The following RIMS2 variants were observed in gnomAD, a reference collection of about 807,000 sequenced individuals.
The protein encoded by RIMS2 is regulating synaptic membrane exocytosis 2, also known as regulating synaptic membrane exocytosis protein 2.
A neutral mutation model predicts 174.4 loss-of-function variants in RIMS2; 59 were observed. That is an observed-to-expected ratio of 0.34 (90% CI 0.27 to 0.42). The LOEUF (loss-of-function observed/expected upper bound fraction) is 0.42, where lower values mean the gene tolerates loss of function less well. Ranked by LOEUF, RIMS2 falls within the 10% of genes least tolerant of loss-of-function variation. The pLI is 1.00. For missense variants in RIMS2, 1,620 were observed against 1,666.3 expected (o/e 0.97, Z 0.48); for synonymous variants, 606 against 572.5 (o/e 1.06, Z -0.84).
At chr8:104,216,761 C>T (rs1417480816) in intron 19 of RIMS2, among the ~76,000 whole-genome samples, 1 of 152,156 alleles carries the variant, frequency 6.6e-6, no homozygotes, top group African/African-American at 2.4e-5. Context: ...TCCACTACAG[C>T]GTGAGCTTCA....
intron 4 of RIMS2, among the ~76,000 whole-genome samples, chr8:103,897,823 T>A (rs2099297337): frequency 6.6e-6 from 1 of 151,654 alleles, no homozygotes; most frequent in Non-Finnish European, 1.5e-5. Flanking sequence ...CCACCATAGA[T>A]GCTTTTAATA....
At chr8:103,732,937 G>A (rs2097626435) in intron 2 of RIMS2, among the ~76,000 whole-genome samples, 1 of 152,096 alleles carries the variant, frequency 6.6e-6, no homozygotes, top group Non-Finnish European at 1.5e-5. Context: ...CACTGTCACT[G>A]AGCTGGTACA....
At chr8:103,504,062 C>A (rs532737422) in intron 1 of RIMS2, among the ~76,000 whole-genome samples, 3 of 152,130 alleles carry the variant, frequency 2.0e-5, no homozygotes, top group Non-Finnish European at 2.9e-5. Flanking sequence ...CTCAGTAGAA[C>A]CCTAATCAGT....
At chr8:103,894,122 G>A (rs768415236) in intron 4 of RIMS2, among the ~76,000 whole-genome samples, 1 of 151,962 alleles carries the variant, frequency 6.6e-6, no homozygotes, top group African/African-American at 2.4e-5. Flanking sequence ...TTTTCTTAAT[G>A]AACTTAACCC....
At chr8:103,528,843 T>C (rs975612346) in intron 1 of RIMS2, among the ~76,000 whole-genome samples, 8 of 152,214 alleles carry the variant, frequency 5.3e-5, no homozygotes, top group Non-Finnish European at 1.0e-4. Context: ...CCAGCTTTGT[T>C]CTTTTGGCTT....
At chr8:103,881,041 A>G (rs1038045241) in intron 3 of RIMS2, among the ~76,000 whole-genome samples, 2 of 151,492 alleles carry the variant, frequency 1.3e-5, no homozygotes, top group African/African-American at 4.8e-5. Context: ...TGATTTTTAA[A>G]GAGTGATTTA....
At chr8:104,090,909 A>G (rs1212214364) in intron 19 of RIMS2, among the ~76,000 whole-genome samples, 2 of 151,874 alleles carry the variant, frequency 1.3e-5, no homozygotes, top group Non-Finnish European at 3.0e-5. Context: ...TATTTAGCTA[A>G]AGATATTCCT....
intron 2 of RIMS2, among the ~76,000 whole-genome samples, chr8:103,750,975 C>T (rs1413818591): frequency 6.6e-6 from 1 of 152,088 alleles, no homozygotes; most frequent in African/African-American, 2.4e-5. Flanking sequence ...TCGTGTTGTT[C>T]TCCTGATAGA....
chr8:104,020,887 A>G lies in RIMS2; in HGVS notation c.3334+6272A>G, dbSNP rs150115054. On this transcript the variant is annotated intron_variant, in intron 19 of 23. Transcript: ENST00000504942. ...TTTAATACTTAGATTTGATTTTCCT[A>G]TAATTATTGCTGACATAATTCTGTA... 3.1e-3 allele frequency among the ~76,000 whole-genome samples: 466 copies of G among 152,156 alleles called. 2 individuals are homozygous for G. The highest frequency in any genetic ancestry group is 0.01 in the African/African-American group (421 of 41,574).
intron 17 of RIMS2, among the ~76,000 whole-genome samples, chr8:104,007,102 AGT>A (rs1312742711): frequency 1.3e-5 from 2 of 152,186 alleles, no homozygotes; most frequent in African/African-American, 4.8e-5. Flanking sequence ...TCATTTCTAA[AGT>A]GAGAGAGTTT....
chr8:103,935,154 C>T (rs201740495), intron 12 of RIMS2, among the ~76,000 whole-genome samples: 11 of 152,220 alleles, frequency 7.2e-5, no homozygotes, highest in South Asian at 2.1e-4. Context: ...AAGCTATAAA[C>T]GAAAGGAGGG....
intron 19 of RIMS2, among the ~76,000 whole-genome samples, chr8:104,063,391 C>T (rs550604070): frequency 6.6e-6 from 1 of 152,222 alleles, no homozygotes; most frequent in African/African-American, 2.4e-5. Context: ...TCAAAAACAA[C>T]TCCACATATG....
At chr8:104,046,992 T>C (rs1220211811) in intron 19 of RIMS2, among the ~76,000 whole-genome samples, 1 of 152,044 alleles carries the variant, frequency 6.6e-6, no homozygotes, top group African/African-American at 2.4e-5. Context: ...TATAAAAATA[T>C]ATCACAAATT....
chr8:103,957,197 C>G (rs2087647348), intron 14 of RIMS2, among the ~76,000 whole-genome samples: 1 of 152,182 alleles, frequency 6.6e-6, no homozygotes, highest in Non-Finnish European at 1.5e-5. Context: ...TGTGACAATT[C>G]CTCAAGGATC....
intron 1 of RIMS2, among the ~76,000 whole-genome samples, chr8:103,614,751 C>T (rs7824892): frequency 0.048 from 7,327 of 152,188 alleles, 585 homozygotes; most frequent in African/African-American, 0.17. Context: ...ATCTTTCTAC[C>T]TCCATAAAAA....
At chr8:103,612,507 G>A (rs1035756516) in intron 1 of RIMS2, among the ~76,000 whole-genome samples, 2 of 152,188 alleles carry the variant, frequency 1.3e-5, no homozygotes, top group Admixed American at 6.5e-5. Flanking sequence ...ACTCATACAG[G>A]TACCACTTTG....
intron 19 of RIMS2, chr8:104,094,794 TTA>T (rs1350829790): frequency 3.4e-6 from 2 of 586,824 alleles, no homozygotes; most frequent in African/African-American, 1.9e-5. Context: ...TTCCTAAAAA[TTA>T]TTTTGCCATT....
At chr8:104,178,248 T>C (rs1439946586) in intron 19 of RIMS2, among the ~76,000 whole-genome samples, 1 of 152,142 alleles carries the variant, frequency 6.6e-6, no homozygotes, top group Non-Finnish European at 1.5e-5. Flanking sequence ...TTTAGGTTGT[T>C]GGCAGAATTT....
At chr8:104,005,977 G>C (rs935294755) in intron 17 of RIMS2, among the ~76,000 whole-genome samples, 7 of 152,000 alleles carry the variant, frequency 4.6e-5, no homozygotes, top group African/African-American at 1.7e-4. Flanking sequence ...ATGTAAGGTA[G>C]TGCTGAGAAC....
Sources: allele counts gnomAD v4.1 joint callset (sites outside exome capture counted in the v4.1 genomes callset), GRCh38; gene constraint gnomAD v4.1.1; transcripts MANE v1.5; gene names NCBI Gene and HGNC (gene_info 2026-07-23, HGNC 2026-07-21).